CYP4X1: variants seen among roughly 807,000 people sequenced by gnomAD.
CYP4X1 encodes cytochrome P450 4X1.
CYP4X1 carries 44 observed loss-of-function variants against 57.9 expected under a neutral mutation model. That is an observed-to-expected ratio of 0.76 (90% CI 0.60 to 0.98). The LOEUF is 0.98. Ranked by LOEUF, CYP4X1 falls within the 50% of genes least tolerant of loss-of-function variation. The pLI is 0.00. For synonymous variants in CYP4X1, 227 were observed against 228.6 expected, an observed-to-expected ratio of 0.99 and a Z score of 0.06; for missense variants, 532 against 623.9, an observed-to-expected ratio of 0.85 and a Z score of 1.57.
chr1:47,020,501 A>G (rs750053782), upstream of CYP4X1, among the ~76,000 whole-genome samples: 2 of 152,260 alleles, frequency 1.3e-5, no homozygotes, highest in Non-Finnish European at 2.9e-5. Flanking sequence ...CAAGGATATC[A>G]GCATCACTTT....
chr1:47,053,731 T>C (rs542475241), downstream of CYP4X1, among the ~76,000 whole-genome samples: 2 of 152,380 alleles, frequency 1.3e-5, no homozygotes, highest in South Asian at 4.1e-4. Flanking sequence ...GAGAAGTCTC[T>C]GCTCATATCC....
chr1:46,977,014 G>T, the CYP4X1 span, among the ~76,000 whole-genome samples: 1 of 152,152 alleles, frequency 6.6e-6, no homozygotes, highest in South Asian at 2.1e-4. Flanking sequence ...ACAAAGATGG[G>T]GAGAAACCAG....
the CYP4X1 span, among the ~76,000 whole-genome samples, chr1:46,976,752 G>A: frequency 6.6e-6 from 1 of 152,140 alleles, no homozygotes; most frequent in Non-Finnish European, 1.5e-5. Flanking sequence ...AGCTTTCAGA[G>A]GAAGGATCAG....
the CYP4X1 span, among the ~76,000 whole-genome samples, chr1:46,986,018 A>G: frequency 6.6e-6 from 1 of 152,224 alleles, no homozygotes; most frequent in Non-Finnish European, 1.5e-5. Context: ...ATGGAGAATG[A>G]GCTTGATGAA....
At chr1:46,993,653 C>T in the CYP4X1 span, among the ~76,000 whole-genome samples, 32 of 152,214 alleles carry the variant, frequency 2.1e-4, no homozygotes, top group South Asian at 4.1e-4. Context: ...TATCTCATTG[C>T]GGTTTTGATT....
chr1:46,993,546 C>T, the CYP4X1 span, among the ~76,000 whole-genome samples: 5 of 152,338 alleles, frequency 3.3e-5, no homozygotes, highest in East Asian at 9.6e-4. Context: ...TACAGTCCCA[C>T]CAACAGTGTA....
chr1:46,967,762 A>G, the CYP4X1 span: 1 of 1,322,812 alleles, frequency 7.6e-7, no homozygotes, highest in Non-Finnish European at 1.0e-6. Context: ...AATTCATGGT[A>G]TGCCGACCGG....
At chr1:47,007,974 A>C in the CYP4X1 span, among the ~76,000 whole-genome samples, 5 of 152,256 alleles carry the variant, frequency 3.3e-5, no homozygotes, top group Non-Finnish European at 7.3e-5. Context: ...GATGGGGAGA[A>C]GGGAACCAAG....
chr1:47,017,637 A>T, the CYP4X1 span, among the ~76,000 whole-genome samples: 1 of 152,132 alleles, frequency 6.6e-6, no homozygotes, highest in Non-Finnish European at 1.5e-5. Flanking sequence ...CTCCCATTCT[A>T]TTCAATGTCG....
chr1:47,015,152 C>G, the CYP4X1 span, among the ~76,000 whole-genome samples: 1 of 152,150 alleles, frequency 6.6e-6, no homozygotes, highest in South Asian at 2.1e-4. Context: ...GTTGGCCTAC[C>G]TTTGATACAG....
downstream of CYP4X1, among the ~76,000 whole-genome samples, chr1:47,053,688 A>T (rs1204814342): frequency 6.6e-6 from 1 of 152,086 alleles, no homozygotes; most frequent in Non-Finnish European, 1.5e-5. Flanking sequence ...GCATTTTTTC[A>T]TGTGTCTTTT....
At chr1:47,035,673 T>C in intron 4 of CYP4X1, 133 bp from the exon 5 acceptor site, 7 of 1,313,584 alleles carry the variant, frequency 5.3e-6, no homozygotes, top group Non-Finnish European at 7.2e-6. Flanking sequence ...TATTTACTCA[T>C]GTGATCTTTG....
chr1:47,024,465 C>T (rs2148503343), intron 1 of CYP4X1, among the ~76,000 whole-genome samples: 1 of 152,250 alleles, frequency 6.6e-6, no homozygotes. Flanking sequence ...GGAGCAGCCC[C>T]AGCCAGCCAC....
In CYP4X1 at chr1:47,033,462, A is replaced by T. The variant is rs963849122; in HGVS notation, c.492+94A>T. ...GTTTTGTGGGCCATGAAAATAAAAAATCAGTTTCTAAAAATTTAACCAATG... is the reference window on the plus strand; with the variant it reads ...GTTTTGTGGGCCATGAAAATAAAAATTCAGTTTCTAAAAATTTAACCAATG... On this transcript the variant is annotated intron_variant, in intron 4 of 11. Transcript: ENST00000371901. 6.0e-6 allele frequency: 9 copies of T among 1,496,076 alleles called. No individual in the cohort carries two copies. The Admixed American group carries it at 1.8e-4, about 30-fold the overall frequency. The allele number at this position is 1,496,076 out of a possible 1,614,324, so 92.7% of individuals were successfully genotyped here.
At chr1:47,005,668 C>T in the CYP4X1 span, among the ~76,000 whole-genome samples, 3 of 152,120 alleles carry the variant, frequency 2.0e-5, no homozygotes, top group African/African-American at 4.8e-5. Context: ...AAGCAATTTT[C>T]AAGTTCAGGT....
chr1:47,031,292 A>G, intron 2 of CYP4X1, 144 bp from the exon 3 acceptor site: 1 of 940,434 alleles, frequency 1.1e-6, no homozygotes, highest in South Asian at 1.6e-5. Flanking sequence ...CCAGGCTGCC[A>G]AAGGCAGCAG....
the CYP4X1 span, among the ~76,000 whole-genome samples, chr1:47,016,337 C>CT: frequency 2.7e-4 from 37 of 138,124 alleles, no homozygotes; most frequent in East Asian, 9.9e-4. Context: ...TTTTTTAATT[C>CT]TTTTTTTTTT....
At chr1:47,002,377 G>A in the CYP4X1 span, among the ~76,000 whole-genome samples, 1 of 152,192 alleles carries the variant, frequency 6.6e-6, no homozygotes, top group Non-Finnish European at 1.5e-5. Context: ...GCTAGAAATT[G>A]AGCTTAGGGA....
At chr1:47,020,442 T>C (rs549332004), upstream of CYP4X1, among the ~76,000 whole-genome samples, 8 of 152,364 alleles carry the variant, frequency 5.3e-5, no homozygotes, top group African/African-American at 1.4e-4. Flanking sequence ...TCTTCTCACC[T>C]GCATCCCCAC....
Sources: allele counts gnomAD v4.1 joint callset (sites outside exome capture counted in the v4.1 genomes callset), GRCh38; gene constraint gnomAD v4.1.1; transcripts MANE v1.5; gene names NCBI Gene and HGNC (gene_info 2026-07-23, HGNC 2026-07-21).